Variants in TMEFF2 observed in about 807,000 individuals in gnomAD.
The protein encoded by TMEFF2 is tomoregulin-2.
In TMEFF2, 28 loss-of-function variants were observed where a neutral mutation model predicts 53.8. The observed-to-expected ratio is 0.52, with a 90% CI of 0.39 to 0.71. TMEFF2 has a LOEUF of 0.71. TMEFF2 is among the 30% of genes least tolerant of loss of function. TMEFF2 has a pLI of 0.00. For synonymous variants in TMEFF2, 162 were observed against 166.3 expected, an observed-to-expected ratio of 0.97 and a Z score of 0.20; for missense variants, 353 against 455.2, an observed-to-expected ratio of 0.78 and a Z score of 2.04.
At chr2:192,101,930 T>TC (rs1689040197) in intron 4 of TMEFF2, among the ~76,000 whole-genome samples, 1 of 152,178 alleles carries the variant, frequency 6.6e-6, no homozygotes, top group Non-Finnish European at 1.5e-5. Flanking sequence ...CTTTACAGTT[T>TC]CCCTATCAAT....
chr2:192,086,286 A>G (rs775511490), intron 4 of TMEFF2, among the ~76,000 whole-genome samples: 10 of 152,186 alleles, frequency 6.6e-5, no homozygotes, highest in Non-Finnish European at 1.3e-4. Flanking sequence ...ATAAAAGCAC[A>G]TTTCAAGGTT....
At chr2:192,035,904 T>G (rs1279352961) in intron 5 of TMEFF2, among the ~76,000 whole-genome samples, 1 of 152,200 alleles carries the variant, frequency 6.6e-6, no homozygotes, top group Non-Finnish European at 1.5e-5. Flanking sequence ...TTCTTCTCAG[T>G]GCTCAGCCTT....
At chr2:192,180,608 C>T (rs1691162626) in intron 3 of TMEFF2, among the ~76,000 whole-genome samples, 1 of 151,566 alleles carries the variant, frequency 6.6e-6, no homozygotes, top group Non-Finnish European at 1.5e-5. Flanking sequence ...GCCCTTATTC[C>T]ACAGTGAAAT....
intron 4 of TMEFF2, among the ~76,000 whole-genome samples, chr2:192,175,794 T>G (rs1691026667): frequency 6.6e-6 from 1 of 151,498 alleles, no homozygotes; most frequent in Non-Finnish European, 1.5e-5. Flanking sequence ...TACAGCAGGA[T>G]AATACATTTA....
chr2:192,045,438 G>C (rs1687592199), intron 5 of TMEFF2, among the ~76,000 whole-genome samples: 1 of 152,076 alleles, frequency 6.6e-6, no homozygotes. Flanking sequence ...CTCTCTCAAT[G>C]GGCAAAAAAC....
chr2:192,117,865 G>A (rs914451913), intron 4 of TMEFF2, among the ~76,000 whole-genome samples: 1 of 151,564 alleles, frequency 6.6e-6, no homozygotes, highest in Admixed American at 6.6e-5. Context: ...TCTAGAGGGT[G>A]TTTAAACCCC....
intron 5 of TMEFF2, among the ~76,000 whole-genome samples, chr2:192,001,530 G>C (rs989332906): frequency 1.2e-4 from 19 of 152,112 alleles, no homozygotes; most frequent in African/African-American, 4.1e-4. Context: ...AAAGGGAATA[G>C]AGATGGTGAT....
Position 191,960,750 on chromosome 2 carries a change from T to C in TMEFF2, c.746-4372A>G, listed in dbSNP as rs139423403. Among the ~76,000 whole-genome samples, 8 of 152,266 alleles carry C rather than the reference T, an allele frequency of 5.3e-5. No homozygotes were observed. In the East Asian group the frequency reaches 1.5e-3, roughly 29 times the overall value. On this transcript the variant is annotated intron_variant, in intron 7 of 9. Transcript: ENST00000272771. ...TAAACTAGAGGAAACATCAGGAATTTAGTGGATGTTTTAGGTGGGCAGATC... is the reference window on the plus strand; with the variant it reads ...TAAACTAGAGGAAACATCAGGAATTCAGTGGATGTTTTAGGTGGGCAGATC...
chr2:191,950,597 A>C, intron 9 of TMEFF2, 190 bp from the exon 10 acceptor site: 1 of 815,186 alleles, frequency 1.2e-6, no homozygotes, highest in Non-Finnish European at 2.0e-6. Context: ...TTGTCTTTAA[A>C]TTTTTGTTGG....
At chr2:192,012,952 T>TA (rs555238636) in intron 5 of TMEFF2, among the ~76,000 whole-genome samples, 30 of 152,254 alleles carry the variant, frequency 2.0e-4, no homozygotes, top group African/African-American at 7.2e-4. Flanking sequence ...GCTCAGGATA[T>TA]AAAAAACAGC....
chr2:192,061,744 T>C (rs1688049296), intron 4 of TMEFF2, among the ~76,000 whole-genome samples: 1 of 152,160 alleles, frequency 6.6e-6, no homozygotes, highest in South Asian at 2.1e-4. Context: ...CCCTTATGAA[T>C]GGCTTAGGGC....
At chr2:192,030,036 G>A (rs762459186) in intron 5 of TMEFF2, among the ~76,000 whole-genome samples, 1 of 152,132 alleles carries the variant, frequency 6.6e-6, no homozygotes, top group Non-Finnish European at 1.5e-5. Context: ...TTAGTCGCTG[G>A]ACCACACATT....
intron 4 of TMEFF2, among the ~76,000 whole-genome samples, chr2:192,059,708 A>C (rs1687998581): frequency 6.6e-6 from 1 of 152,158 alleles, no homozygotes; most frequent in Non-Finnish European, 1.5e-5. Flanking sequence ...CAGGACTAAT[A>C]ATAATATTTC....
chr2:191,950,473 A>G (rs779613646), intron 9 of TMEFF2, 66 bp from the exon 10 acceptor site: 1 of 1,606,536 alleles, frequency 6.2e-7, no homozygotes, highest in Admixed American at 1.7e-5. Context: ...CCCTACAATC[A>G]CAGAATAAAG....
At chr2:192,013,745 C>A (rs1303778565) in intron 5 of TMEFF2, among the ~76,000 whole-genome samples, 1 of 152,218 alleles carries the variant, frequency 6.6e-6, no homozygotes, top group African/African-American at 2.4e-5. Context: ...ACCACTGCAC[C>A]TGGCCCATAC....
At chr2:192,103,548 T>A (rs1281509555) in intron 4 of TMEFF2, among the ~76,000 whole-genome samples, 1 of 152,140 alleles carries the variant, frequency 6.6e-6, no homozygotes, top group African/African-American at 2.4e-5. Context: ...CTTGTTCTTT[T>A]GCTAATTAGA....
chr2:192,152,303 C>T (rs1008823446), intron 4 of TMEFF2, among the ~76,000 whole-genome samples: 2 of 151,792 alleles, frequency 1.3e-5, no homozygotes, highest in Non-Finnish European at 2.9e-5. Context: ...ACTCTTCATC[C>T]CCATATCTAT....
intron 4 of TMEFF2, among the ~76,000 whole-genome samples, chr2:192,078,553 T>G (rs933044400): frequency 2.0e-5 from 3 of 152,190 alleles, no homozygotes; most frequent in African/African-American, 7.2e-5. Context: ...TATTTTTAAT[T>G]TAATCAGGAA....
intron 5 of TMEFF2, among the ~76,000 whole-genome samples, chr2:192,055,229 G>A (rs1460275407): frequency 6.6e-6 from 1 of 152,170 alleles, no homozygotes; most frequent in Non-Finnish European, 1.5e-5. Flanking sequence ...GAGCCCTAAA[G>A]CATTTAGGAA....
Sources: allele counts gnomAD v4.1 joint callset (sites outside exome capture counted in the v4.1 genomes callset), GRCh38; gene constraint gnomAD v4.1.1; transcripts MANE v1.5; gene names NCBI Gene and HGNC (gene_info 2026-07-23, HGNC 2026-07-21).